BRINP3: variants seen among roughly 807,000 people sequenced by gnomAD.
The protein encoded by BRINP3 is BMP/retinoic acid-inducible neural-specific protein 3.
Under a neutral mutation model 71.0 loss-of-function variants are expected in BRINP3, and 19 were observed. The ratio of observed to expected loss-of-function variants is 0.27; its 90% CI spans 0.19 to 0.39. BRINP3 has a LOEUF of 0.39. Among genes scored for constraint, BRINP3 ranks in the 10% least tolerant of loss-of-function variants. The pLI is 1.00. For missense variants in BRINP3, 959 were observed against 940.8 expected (o/e 1.02, Z -0.25); for synonymous variants, 380 against 337.7 (o/e 1.13, Z -1.37).
At chr1:190,346,963 A>T (rs1668061957) in intron 2 of BRINP3, among the ~76,000 whole-genome samples, 1 of 152,100 alleles carries the variant, frequency 6.6e-6, no homozygotes, top group Non-Finnish European at 1.5e-5. Context: ...CTCAATAAAT[A>T]TGATTCATTA....
At chr1:190,125,423 A>G (rs1654009894) in intron 7 of BRINP3, among the ~76,000 whole-genome samples, 1 of 151,862 alleles carries the variant, frequency 6.6e-6, no homozygotes, top group South Asian at 2.1e-4. Flanking sequence ...ACAATGCTTT[A>G]AAACATATTT....
intron 2 of BRINP3, among the ~76,000 whole-genome samples, chr1:190,321,403 A>G (rs1666229200): frequency 6.6e-6 from 1 of 152,142 alleles, no homozygotes; most frequent in Non-Finnish European, 1.5e-5. Context: ...CCATGCATAA[A>G]AGAGGAAGCA....
At chr1:190,300,328 C>T (rs1664582834) in intron 2 of BRINP3, among the ~76,000 whole-genome samples, 1 of 152,116 alleles carries the variant, frequency 6.6e-6, no homozygotes, top group South Asian at 2.1e-4. Flanking sequence ...ACCCTTTCTT[C>T]CAGTTGATCG....
At chr1:190,367,705 T>A (rs1669598990) in intron 2 of BRINP3, among the ~76,000 whole-genome samples, 1 of 152,152 alleles carries the variant, frequency 6.6e-6, no homozygotes, top group Non-Finnish European at 1.5e-5. Flanking sequence ...TCTCTCTAGT[T>A]CAAAGTTCCA....
chr1:190,425,176 G>A (rs1159137008), intron 2 of BRINP3, among the ~76,000 whole-genome samples: 1 of 151,580 alleles, frequency 6.6e-6, no homozygotes, highest in African/African-American at 2.4e-5. Flanking sequence ...TGATATTTTG[G>A]AGAACAGAAG....
intron 3 of BRINP3, among the ~76,000 whole-genome samples, chr1:190,278,913 T>C (rs1662831413): frequency 6.6e-6 from 1 of 151,116 alleles, no homozygotes; most frequent in Non-Finnish European, 1.5e-5. Flanking sequence ...AAATGTGGCA[T>C]CCACCATATC....
intron 7 of BRINP3, among the ~76,000 whole-genome samples, chr1:190,119,211 T>C (rs1434159073): frequency 6.6e-6 from 1 of 152,036 alleles, no homozygotes; most frequent in Non-Finnish European, 1.5e-5. Flanking sequence ...TTCCAAATCT[T>C]TAAAACATTA....
intron 7 of BRINP3, among the ~76,000 whole-genome samples, chr1:190,132,190 C>T (rs1280821197): frequency 6.6e-6 from 1 of 152,048 alleles, no homozygotes; most frequent in Non-Finnish European, 1.5e-5. Context: ...GCATATCATA[C>T]TCTTCTGCCT....
rs1676507917 is a variant in BRINP3, at chr1:190,463,177, A to G, written c.-50-8237T>C. Among the ~76,000 whole-genome samples the G allele has an allele frequency of 2.6e-5, 4 of 151,870 alleles. No homozygotes were observed. In the South Asian group the frequency reaches 8.3e-4, roughly 31 times the overall value. ...CTTTGATTATTCAATCTTATTATAAATTGCTTTATAGTACTACTAAAAATA... is the reference window on the plus strand; with the variant it reads ...CTTTGATTATTCAATCTTATTATAAGTTGCTTTATAGTACTACTAAAAATA... On this transcript the variant is annotated intron_variant, in intron 1 of 7. Transcript: ENST00000367462.
intron 2 of BRINP3, among the ~76,000 whole-genome samples, chr1:190,418,656 G>A (rs1673162630): frequency 6.6e-6 from 1 of 152,140 alleles, no homozygotes; most frequent in Non-Finnish European, 1.5e-5. Flanking sequence ...TATTTTTTAT[G>A]TGAAAATCTG....
chr1:190,413,522 A>G lies in BRINP3; in HGVS notation c.236+41133T>C, dbSNP rs555414036. Among the ~76,000 whole-genome samples, 6 of 152,336 alleles carry G rather than the reference A, an allele frequency of 3.9e-5. No homozygotes were observed. In the South Asian group the frequency reaches 1.2e-3, roughly 32 times the overall value. Reference sequence around the variant, plus strand: ...AATCACCATATACTTAGACAGCCAGACAGAAGAGAAGGCAATGTTATCAAG... The same window carrying G: ...AATCACCATATACTTAGACAGCCAGGCAGAAGAGAAGGCAATGTTATCAAG... On this transcript the variant is annotated intron_variant, in intron 2 of 7. Transcript: ENST00000367462.
At chr1:190,104,126 A>G (rs981859921) in intron 7 of BRINP3, among the ~76,000 whole-genome samples, 8 of 152,036 alleles carry the variant, frequency 5.3e-5, no homozygotes, top group African/African-American at 1.7e-4. Context: ...GGGAGGGGGC[A>G]GATGGAAGCA....
chr1:190,331,044 T>A (rs953926426), intron 2 of BRINP3, among the ~76,000 whole-genome samples: 1 of 151,842 alleles, frequency 6.6e-6, no homozygotes, highest in African/African-American at 2.4e-5. Context: ...TTCAGCATCA[T>A]GCAACAGACT....
intron 2 of BRINP3, among the ~76,000 whole-genome samples, chr1:190,286,493 C>T (rs1663435021): frequency 6.6e-6 from 1 of 152,104 alleles, no homozygotes; most frequent in South Asian, 2.1e-4. Flanking sequence ...ATTTGCCACT[C>T]TTCATATTAG....
At chr1:190,150,189 C>T (rs990163471) in intron 7 of BRINP3, among the ~76,000 whole-genome samples, 2 of 151,972 alleles carry the variant, frequency 1.3e-5, no homozygotes, top group Non-Finnish European at 2.9e-5. Flanking sequence ...CTCCAGATTT[C>T]AGTCATATGC....
chr1:190,140,416 A>G (rs1002154329), intron 7 of BRINP3, among the ~76,000 whole-genome samples: 17 of 152,146 alleles, frequency 1.1e-4, no homozygotes, highest in Non-Finnish European at 1.9e-4. Context: ...ATTTGCCATG[A>G]AAACATAATT....
intron 5 of BRINP3, among the ~76,000 whole-genome samples, chr1:190,230,230 G>T (rs575775619): frequency 6.6e-6 from 1 of 151,332 alleles, no homozygotes; most frequent in Non-Finnish European, 1.5e-5. Flanking sequence ...AGGAAAGAAA[G>T]GAAATAAATG....
intron 7 of BRINP3, among the ~76,000 whole-genome samples, chr1:190,143,087 T>G (rs1387645858): frequency 6.6e-6 from 1 of 152,098 alleles, no homozygotes; most frequent in African/African-American, 2.4e-5. Flanking sequence ...AATCAAAAAA[T>G]TAAAATGTTT....
chr1:190,317,952 G>A (rs1163132700), intron 2 of BRINP3, among the ~76,000 whole-genome samples: 2 of 152,018 alleles, frequency 1.3e-5, no homozygotes, highest in African/African-American at 2.4e-5. Flanking sequence ...GGCAAAATTC[G>A]TGTGTAAGCA....
Sources: allele counts gnomAD v4.1 joint callset (sites outside exome capture counted in the v4.1 genomes callset), GRCh38; gene constraint gnomAD v4.1.1; transcripts MANE v1.5; gene names NCBI Gene and HGNC (gene_info 2026-07-23, HGNC 2026-07-21).